SNX6: variants seen among roughly 807,000 people sequenced by gnomAD.
The protein encoded by SNX6 is sorting nexin 6, also known as sorting nexin-6.
In SNX6, 34 loss-of-function variants were observed where a neutral mutation model predicts 63.0. The ratio of observed to expected loss-of-function variants is 0.54; its 90% CI spans 0.41 to 0.72. The LOEUF (loss-of-function observed/expected upper bound fraction) is 0.72. Ranked by LOEUF, SNX6 falls within the 30% of genes least tolerant of loss-of-function variation. The probability of loss-of-function intolerance (pLI) is 0.00; values close to 1 mark genes in which losing one functional copy is unlikely to be tolerated. For synonymous variants in SNX6, 170 were observed against 164.2 expected, an observed-to-expected ratio of 1.04 and a Z score of -0.27; for missense variants, 398 against 471.4, an observed-to-expected ratio of 0.84 and a Z score of 1.44.
intron 8 of SNX6, among the ~76,000 whole-genome samples, chr14:34,586,752 GT>G (rs35845229): frequency 0.41 from 61,691 of 150,738 alleles, 13,144 homozygotes; most frequent in African/African-American, 0.49. Context: ...GCTCATGCCT[GT>G]AATCCCAGCA....
chr14:34,608,611 T>C (rs1883108992), intron 3 of SNX6, among the ~76,000 whole-genome samples: 1 of 152,220 alleles, frequency 6.6e-6, no homozygotes, highest in Non-Finnish European at 1.5e-5. Context: ...GACAGGCTTA[T>C]TATATTGTAC....
intron 5 of SNX6, chr14:34,604,042 T>C: frequency 1.0e-6 from 1 of 965,310 alleles, no homozygotes; most frequent in Non-Finnish European, 1.3e-6. Flanking sequence ...AAGTAATACA[T>C]GTCAGTTTGG....
intron 2 of SNX6, among the ~76,000 whole-genome samples, chr14:34,612,933 C>T (rs928642550): frequency 6.6e-5 from 10 of 151,242 alleles, no homozygotes; most frequent in African/African-American, 2.4e-4. Context: ...CCTATAATCC[C>T]AGCTACTTGG....
In SNX6 at chr14:34,617,749, G is replaced by A. The variant is rs1003824407; in HGVS notation, c.55-8007C>T. Among the ~76,000 whole-genome samples, 31 of 151,688 alleles carry A rather than the reference G, an allele frequency of 2.0e-4. 1 individual carries two copies. The highest frequency in any genetic ancestry group is 6.8e-4 in the African/African-American group (28 of 41,362). The stretch of plus-strand genomic sequence containing the variant: ...ATCCTGGCTAACACGGTGAAACCCC[G>A]TCTCTACTAAAAATACAAAAAATAA... On this transcript the variant is annotated intron_variant, in intron 2 of 13. Transcript: ENST00000362031.
At chr14:34,605,949 G>A (rs1372728281) in intron 4 of SNX6, among the ~76,000 whole-genome samples, 11 of 151,916 alleles carry the variant, frequency 7.2e-5, no homozygotes, top group Admixed American at 1.3e-4. Flanking sequence ...TGAGGTGGGC[G>A]GATCACCTGA....
At chr14:34,610,598 G>C (rs1883190910) in intron 2 of SNX6, among the ~76,000 whole-genome samples, 1 of 152,078 alleles carries the variant, frequency 6.6e-6, no homozygotes, top group Non-Finnish European at 1.5e-5. Flanking sequence ...CTAACATACA[G>C]TAAGTACTCA....
At chr14:34,599,498 T>C (rs1022732554) in intron 6 of SNX6, among the ~76,000 whole-genome samples, 1 of 151,538 alleles carries the variant, frequency 6.6e-6, no homozygotes, top group African/African-American at 2.4e-5. Context: ...TCCCAGCTAC[T>C]AGGGAGACTG....
chr14:34,595,109 TAAAA>T (rs1301540047), intron 7 of SNX6, among the ~76,000 whole-genome samples: 1 of 150,200 alleles, frequency 6.7e-6, no homozygotes, highest in Non-Finnish European at 1.5e-5. Flanking sequence ...CAAAATAAAA[TAAAA>T]AATAAATATT....
intron 13 of SNX6, among the ~76,000 whole-genome samples, chr14:34,564,024 C>A (rs1881055454): frequency 6.6e-6 from 1 of 152,078 alleles, no homozygotes; most frequent in South Asian, 2.1e-4. Context: ...CAGGCGTGAG[C>A]CACTGCGCTG....
chr14:34,609,835 CAA>C (rs1883157388), intron 2 of SNX6, 93 bp from the exon 3 acceptor site: 20 of 818,134 alleles, frequency 2.4e-5, no homozygotes, highest in South Asian at 1.8e-4. Flanking sequence ...ACAAAAATAA[CAA>C]AAGATTATTA....
chr14:34,595,930 G>C (rs1165628119), intron 7 of SNX6, among the ~76,000 whole-genome samples: 1 of 152,020 alleles, frequency 6.6e-6, no homozygotes, highest in Admixed American at 6.6e-5. Flanking sequence ...AAAAGTATAG[G>C]TGTTTTCGGC....
chr14:34,592,665 G>A (rs1882443240), intron 8 of SNX6, among the ~76,000 whole-genome samples: 2 of 152,146 alleles, frequency 1.3e-5, no homozygotes, highest in Non-Finnish European at 2.9e-5. Context: ...CCAGGCCCAA[G>A]GCATCCTCCC....
intron 3 of SNX6, among the ~76,000 whole-genome samples, chr14:34,609,223 C>T (rs948464783): frequency 6.6e-6 from 1 of 151,916 alleles, no homozygotes; most frequent in Non-Finnish European, 1.5e-5. Context: ...CGGTGGCTCA[C>T]GCCTGTAATC....
intron 6 of SNX6, 68 bp downstream of exon 6, chr14:34,603,280 C>G: frequency 6.9e-7 from 1 of 1,451,234 alleles, no homozygotes; most frequent in Non-Finnish European, 9.3e-7. Flanking sequence ...AGCGAGATTC[C>G]GTCTCAAAAA....
intron 2 of SNX6, among the ~76,000 whole-genome samples, chr14:34,621,603 T>C (rs542829996): frequency 1.3e-5 from 2 of 152,206 alleles, no homozygotes; most frequent in Non-Finnish European, 2.9e-5. Flanking sequence ...TGGGGGCAGG[T>C]TAGATGCCTC....
intron 3 of SNX6, 145 bp downstream of exon 3, chr14:34,609,493 A>AC: frequency 2.1e-6 from 1 of 483,714 alleles, no homozygotes; most frequent in Non-Finnish European, 3.6e-6. Flanking sequence ...AAAAAAAAAA[A>AC]AAAAAAAAAA....
intron 2 of SNX6, among the ~76,000 whole-genome samples, chr14:34,617,547 G>A (rs1883461992): frequency 6.8e-6 from 1 of 147,622 alleles, no homozygotes; most frequent in South Asian, 2.1e-4. Flanking sequence ...GACTGAGGCT[G>A]CCGTGGGCTG....
intron 7 of SNX6, among the ~76,000 whole-genome samples, chr14:34,596,302 G>A (rs1010252495): frequency 8.6e-5 from 13 of 151,506 alleles, no homozygotes; most frequent in African/African-American, 2.7e-4. Context: ...AGTAAGGTGG[G>A]TGGTATTATT....
At chr14:34,629,788 G>A (rs555096401) in intron 2 of SNX6, 119 bp downstream of exon 2, 2 of 1,445,258 alleles carry the variant, frequency 1.4e-6, no homozygotes, top group Non-Finnish European at 1.9e-6. Flanking sequence ...GAAACCGAAA[G>A]GAGGACTACG....
Sources: allele counts gnomAD v4.1 joint callset (sites outside exome capture counted in the v4.1 genomes callset), GRCh38; gene constraint gnomAD v4.1.1; transcripts MANE v1.5; gene names NCBI Gene and HGNC (gene_info 2026-07-23, HGNC 2026-07-21).